NPAS3: variants seen among roughly 807,000 people sequenced by gnomAD.
The protein encoded by NPAS3 is neuronal PAS domain protein 3.
A neutral mutation model predicts 73.1 loss-of-function variants in NPAS3; 14 were observed. The ratio of observed to expected loss-of-function variants is 0.19; its 90% CI spans 0.13 to 0.30. The LOEUF (loss-of-function observed/expected upper bound fraction) is 0.30, where lower values mean the gene tolerates loss of function less well. Ranked by LOEUF, NPAS3 falls within the 10% of genes least tolerant of loss-of-function variation. The pLI is 1.00. For missense variants in NPAS3, 1,096 were observed against 1,250.0 expected (o/e 0.88, Z 1.86); for synonymous variants, 620 against 541.5 (o/e 1.14, Z -2.01).
At chr14:33,107,669 AGGG>A (rs1294616072) in intron 2 of NPAS3, among the ~76,000 whole-genome samples, 1 of 152,134 alleles carries the variant, frequency 6.6e-6, no homozygotes, top group Non-Finnish European at 1.5e-5. Context: ...GATGGGCACC[AGGG>A]TTGATTTTAT....
chr14:33,610,280 T>C (rs1189081532), intron 5 of NPAS3, among the ~76,000 whole-genome samples: 1 of 152,238 alleles, frequency 6.6e-6, no homozygotes, highest in Non-Finnish European at 1.5e-5. Flanking sequence ...AAGTCAACTA[T>C]GCCTCTCTTT....
intron 5 of NPAS3, among the ~76,000 whole-genome samples, chr14:33,565,432 G>A (rs896527230): frequency 2.6e-5 from 4 of 152,190 alleles, no homozygotes; most frequent in Non-Finnish European, 4.4e-5. Context: ...TGATAACTTG[G>A]CCGAGGGCCA....
chr14:32,999,024 A>C lies in NPAS3; in HGVS notation c.51-56881A>C, dbSNP rs138476578. Among the ~76,000 whole-genome samples the C allele has an allele frequency of 3.9e-5, 6 of 152,216 alleles. 1 individual carries two copies. The highest frequency in any genetic ancestry group is 1.4e-4 in the African/African-American group (6 of 41,536). On this transcript the variant is annotated intron_variant, in intron 1 of 11. Coordinates refer to ENST00000356141, the Ensembl canonical transcript of NPAS3. ...CATCATATTCATGTTTCTATTCCTC[A>C]TGCCCAGTACATGCCAGGGAACATA...
chr14:33,674,641 G>A (rs1595411203), intron 5 of NPAS3, among the ~76,000 whole-genome samples: 1 of 152,320 alleles, frequency 6.6e-6, no homozygotes, highest in East Asian at 1.9e-4. Flanking sequence ...GGAGGAAATG[G>A]GGATTGTAAA....
chr14:33,554,357 A>G (rs146612297), intron 4 of NPAS3, among the ~76,000 whole-genome samples: 44 of 152,294 alleles, frequency 2.9e-4, no homozygotes, highest in African/African-American at 9.6e-4. Context: ...CAGAGATTAT[A>G]CTCTATCACG....
At chr14:33,517,050 G>C (rs577338092) in intron 4 of NPAS3, among the ~76,000 whole-genome samples, 1 of 152,182 alleles carries the variant, frequency 6.6e-6, no homozygotes, top group Non-Finnish European at 1.5e-5. Context: ...AAACAGTTCT[G>C]ACATGGTTGA....
chr14:33,196,165 A>C (rs2046342892), intron 2 of NPAS3, among the ~76,000 whole-genome samples: 1 of 152,200 alleles, frequency 6.6e-6, no homozygotes, highest in Admixed American at 6.5e-5. Context: ...GAGTTTTCTC[A>C]TATTTTTCCT....
At chr14:33,263,384 C>T (rs1176334755) in intron 3 of NPAS3, among the ~76,000 whole-genome samples, 1 of 152,170 alleles carries the variant, frequency 6.6e-6, no homozygotes, top group Non-Finnish European at 1.5e-5. Context: ...GGAATCCTTT[C>T]TCCATTGCTT....
At chr14:32,978,599 C>T (rs1201279122) in intron 1 of NPAS3, among the ~76,000 whole-genome samples, 1 of 152,024 alleles carries the variant, frequency 6.6e-6, no homozygotes, top group East Asian at 1.9e-4. Flanking sequence ...GAAACTGGGT[C>T]TCTGTCACTT....
At chr14:33,456,850 G>C (rs1436526139) in intron 4 of NPAS3, among the ~76,000 whole-genome samples, 1 of 152,028 alleles carries the variant, frequency 6.6e-6, no homozygotes, top group Non-Finnish European at 1.5e-5. Context: ...GTTGAGTGTG[G>C]GCTGCAGAAA....
intron 5 of NPAS3, among the ~76,000 whole-genome samples, chr14:33,566,015 G>T (rs1466322773): frequency 2.6e-5 from 4 of 152,008 alleles, no homozygotes; most frequent in Non-Finnish European, 5.9e-5. Flanking sequence ...TCACTTCTGG[G>T]TGTAACAAAG....
At chr14:33,273,036 T>C (rs1303372500) in intron 3 of NPAS3, among the ~76,000 whole-genome samples, 1 of 152,206 alleles carries the variant, frequency 6.6e-6, no homozygotes, top group African/African-American at 2.4e-5. Flanking sequence ...TTGCCACCTG[T>C]GGATCTTTCT....
chr14:33,263,795 G>T (rs1247676355), intron 3 of NPAS3, among the ~76,000 whole-genome samples: 2 of 151,936 alleles, frequency 1.3e-5, no homozygotes, highest in Non-Finnish European at 2.9e-5. Context: ...CTTTTATTTT[G>T]TTGAGCAGTG....
At chr14:33,249,991 TG>T (rs1429038811) in intron 3 of NPAS3, among the ~76,000 whole-genome samples, 1 of 151,868 alleles carries the variant, frequency 6.6e-6, no homozygotes, top group Non-Finnish European at 1.5e-5. Flanking sequence ...TTAATAAGAA[TG>T]GGAGTTTGGC....
intron 2 of NPAS3, among the ~76,000 whole-genome samples, chr14:33,184,111 G>A (rs574761624): frequency 2.6e-5 from 4 of 152,262 alleles, no homozygotes; most frequent in South Asian, 4.2e-4. Context: ...AGTTTATACC[G>A]TAGTCAGGAA....
chr14:33,584,093 TTCATATTATATTTTTGCTGTCGTAG>T (rs1355547205), intron 5 of NPAS3, among the ~76,000 whole-genome samples: 1 of 152,212 alleles, frequency 6.6e-6, no homozygotes, highest in Admixed American at 6.5e-5. Context: ...CACATGTATT[TTCATATTATATTTTTGCTGTCGTAG>T]ACATCTTGGA....
intron 2 of NPAS3, among the ~76,000 whole-genome samples, chr14:33,106,935 G>A (rs887812805): frequency 6.6e-6 from 1 of 151,996 alleles, no homozygotes; most frequent in Non-Finnish European, 1.5e-5. Flanking sequence ...GTGTGTGCAT[G>A]TGTTGGTTTG....
intron 6 of NPAS3, among the ~76,000 whole-genome samples, chr14:33,694,289 T>C (rs2060314012): frequency 6.6e-6 from 1 of 152,214 alleles, no homozygotes; most frequent in Non-Finnish European, 1.5e-5. Flanking sequence ...TGTTAGTCTT[T>C]CCATTTACTC....
intron 10 of NPAS3, among the ~76,000 whole-genome samples, chr14:33,795,885 C>A (rs919552749): frequency 6.6e-6 from 1 of 152,162 alleles, no homozygotes; most frequent in African/African-American, 2.4e-5. Context: ...AAAGACCAGT[C>A]TTCAACCTCA....
Sources: gnomAD v4.1 joint callset for allele counts (sites outside exome capture counted in the v4.1 genomes callset) on GRCh38, gnomAD v4.1.1 for gene constraint, MANE v1.5 for transcripts, NCBI Gene and HGNC (gene_info 2026-07-23, HGNC 2026-07-21) for gene names.